Variants in NR3C1 observed in about 807,000 individuals in gnomAD.
NR3C1 encodes nuclear receptor subfamily 3 group C member 1.
In NR3C1, 14 loss-of-function variants were observed where a neutral mutation model predicts 74.0. The observed-to-expected ratio is 0.19, with a 90% confidence interval of 0.12 to 0.30. The LOEUF (loss-of-function observed/expected upper bound fraction) is 0.30. NR3C1 is among the 10% of genes least tolerant of loss of function. The pLI is 1.00. For synonymous variants in NR3C1, 308 were observed against 332.5 expected (o/e 0.93, Z 0.80); for missense variants, 695 against 909.8 (o/e 0.76, Z 3.04).
intron 1 of NR3C1, among the ~76,000 whole-genome samples, chr5:143,410,243 G>C (rs1009769674): frequency 1.3e-5 from 2 of 151,900 alleles, no homozygotes; most frequent in Non-Finnish European, 2.9e-5. Context: ...AATCTGCCCC[G>C]CTGCTATGTG....
chr5:143,293,225 G>A (rs1816351020), intron 7 of NR3C1, among the ~76,000 whole-genome samples: 1 of 152,130 alleles, frequency 6.6e-6, no homozygotes. Context: ...AATGGCATTT[G>A]CAGCAACCTG....
chr5:143,366,419 A>G (rs1468470544), intron 2 of NR3C1, among the ~76,000 whole-genome samples: 2 of 151,888 alleles, frequency 1.3e-5, no homozygotes, highest in African/African-American at 4.8e-5. Context: ...CTGAGGCAGG[A>G]GAATCTCTTG....
intron 2 of NR3C1, among the ~76,000 whole-genome samples, chr5:143,341,870 G>C (rs995934030): frequency 1.3e-5 from 2 of 152,024 alleles, no homozygotes; most frequent in African/African-American, 4.8e-5. Flanking sequence ...TTAGTACTAT[G>C]GGCTTAACAT....
In NR3C1 at chr5:143,399,765, C is replaced by G. The variant is rs370839677; in HGVS notation, c.1075G>C (p.Val359Leu). The change falls in exon 2 of 9, where the codon GTT (valine) becomes CTT (leucine). Residue 359 changes from valine (V) to leucine (L), a missense_variant. By Grantham distance (32) the Val-to-Leu change is conservative (BLOSUM62 1). Around this residue, in one of 4 missense-constraint regions of NR3C1, gnomAD observed 497 missense variants for 489.5 expected, o/e 1.02. Transcript: ENST00000394464. ...PIFNVIPPIP[V>L]GSENWNRCQG... ...CACCTATTCCAATTTTCGGAACCAA[C>G]GGGAATTGGTGGAATGACATTAAAA... 1 of 1,614,132 alleles carries G rather than the reference C, an allele frequency of 6.2e-7. No individual in the cohort carries two copies. The highest frequency in any genetic ancestry group is 1.7e-5 in the Admixed American group (1 of 60,018).
intron 2 of NR3C1, among the ~76,000 whole-genome samples, chr5:143,325,032 T>C (rs1824258010): frequency 6.6e-6 from 1 of 152,218 alleles, no homozygotes; most frequent in African/African-American, 2.4e-5. Context: ...TTCCTAACTT[T>C]CCCACATTTT....
intron 1 of NR3C1, chr5:143,402,787 C>T (rs1840569880): frequency 5.1e-6 from 5 of 985,414 alleles, no homozygotes; most frequent in Non-Finnish European, 6.0e-6. Flanking sequence ...GCCGGGGTGG[C>T]GTGCAAATAT....
intron 2 of NR3C1, among the ~76,000 whole-genome samples, chr5:143,350,989 G>A (rs1294060574): frequency 6.6e-6 from 1 of 152,132 alleles, no homozygotes; most frequent in African/African-American, 2.4e-5. Flanking sequence ...CAGAAAACCA[G>A]TGATTCTGTA....
Position 143,300,688 on chromosome 5 carries a change from G to C in NR3C1, c.1544C>G (p.Pro515Arg), listed in dbSNP as rs1818313447. Reference protein sequence around the residue: ...TGVSQETSENPGNKTIVPATL... With the variant: ...TGVSQETSENRGNKTIVPATL... ...TGCAGGAACTATTGTTTTGTTACCA[G>C]GATTTTCAGAGGTTTCTTGTGAGAC... Residue 515 changes from proline to arginine, a missense_variant, in exon 5 of 9, where the codon CCT becomes CGT. Around this residue, in one of 4 missense-constraint regions of NR3C1, gnomAD observed 42 missense variants for 49.3 expected, o/e 0.85. Transcript: ENST00000394464. This position sits in a 1 kb window ranked among gnomAD's most constrained non-coding sequence, Gnocchi z 5.2. 1.2e-6 allele frequency: 2 copies of C among 1,614,144 alleles called. No individual in the cohort carries two copies. The highest frequency in any genetic ancestry group is 1.7e-6 in the Non-Finnish European group (2 of 1,180,006).
rs1170575550 is a variant in NR3C1, at chr5:143,279,637, A to G, written c.*2252T>C. The G allele has an allele frequency of 2.3e-6, 1 of 435,732 alleles. No individual in the cohort carries two copies. The highest frequency in any genetic ancestry group is 3.9e-6 in the Non-Finnish European group (1 of 253,710). 27.0% of individuals were successfully genotyped at this position (435,732 alleles called of 1,614,324 possible). A position where few individuals can be genotyped will look rare whatever the true frequency, so the allele number is the denominator to read the frequency against. ...ACTGAAAATAACAAATAACATTCAAAAAGCATTCAAAGAAAACAAAAACAT... is the reference window on the plus strand; with the variant it reads ...ACTGAAAATAACAAATAACATTCAAGAAGCATTCAAAGAAAACAAAAACAT... On this transcript the variant is annotated 3_prime_UTR_variant, in exon 9 of 9. Coordinates refer to ENST00000394464, the MANE Select transcript of NR3C1 (RefSeq NM_000176.3).
intron 2 of NR3C1, among the ~76,000 whole-genome samples, chr5:143,353,772 T>A (rs530412875): frequency 1.6e-3 from 246 of 152,246 alleles, no homozygotes; most frequent in Non-Finnish European, 3.0e-3. Flanking sequence ...TAAGCATAAG[T>A]CTTAAGGGTC....
At chr5:143,286,167 A>C (rs1355283893) in intron 7 of NR3C1, among the ~76,000 whole-genome samples, 1 of 152,138 alleles carries the variant, frequency 6.6e-6, no homozygotes, top group East Asian at 1.9e-4. Context: ...CTCACTCAAG[A>C]ATAAACATAT....
At chr5:143,378,188 C>T (rs543731422) in intron 2 of NR3C1, among the ~76,000 whole-genome samples, 69 of 152,122 alleles carry the variant, frequency 4.5e-4, no homozygotes, top group African/African-American at 1.7e-3. Flanking sequence ...GAGTTCAAGG[C>T]TGCAGTGATC....
At chr5:143,361,806 C>T (rs927252037) in intron 2 of NR3C1, among the ~76,000 whole-genome samples, 2 of 152,138 alleles carry the variant, frequency 1.3e-5, no homozygotes, top group African/African-American at 4.8e-5. Flanking sequence ...TCATTTGTTC[C>T]AAAGTTGAAC....
chr5:143,331,979 G>C (rs1209589316), intron 2 of NR3C1, among the ~76,000 whole-genome samples: 1 of 151,940 alleles, frequency 6.6e-6, no homozygotes, highest in Non-Finnish European at 1.5e-5. Flanking sequence ...AGTGGGCAGG[G>C]GAGAAAAGGA....
Position 143,280,061 on chromosome 5 carries a change from G to C in NR3C1, c.*1828C>G, listed in dbSNP as rs1812867758. 6.6e-6 allele frequency: 1 copy of C among 152,488 alleles called. No homozygotes were observed. The highest frequency in any genetic ancestry group is 1.5e-5 in the Non-Finnish European group (1 of 68,098). The allele number at this position is 152,488 out of a possible 1,614,324, so 9.4% of individuals were successfully genotyped here. On this transcript the variant is annotated 3_prime_UTR_variant, in exon 9 of 9. Coordinates refer to ENST00000394464, the MANE Select transcript of NR3C1 (RefSeq NM_000176.3). Reference sequence around the variant, plus strand: ...CCTCAGCAACCTTCACTGCACACAGGACCAGTCTCCATCTCCCTCTTCCCC... The same window carrying C: ...CCTCAGCAACCTTCACTGCACACAGCACCAGTCTCCATCTCCCTCTTCCCC...
intron 4 of NR3C1, among the ~76,000 whole-genome samples, chr5:143,302,258 C>G (rs1178248181): frequency 6.6e-6 from 1 of 152,086 alleles, no homozygotes; most frequent in Non-Finnish European, 1.5e-5. Context: ...GTAAGTACCA[C>G]ATAACAACTA....
chr5:143,377,779 G>C (rs1052799123), intron 2 of NR3C1, among the ~76,000 whole-genome samples: 1 of 152,288 alleles, frequency 6.6e-6, no homozygotes, highest in South Asian at 2.1e-4. Flanking sequence ...TTCTCTCCAA[G>C]TAACTGTCTT....
At chr5:143,428,608 G>C (rs1476799820) in intron 1 of NR3C1, among the ~76,000 whole-genome samples, 2 of 152,184 alleles carry the variant, frequency 1.3e-5, no homozygotes, top group Non-Finnish European at 2.9e-5. Flanking sequence ...ACATCCCTTT[G>C]TTTAAGTATT....
At chr5:143,303,871 C>A (rs1192776623) in intron 4 of NR3C1, among the ~76,000 whole-genome samples, 5 of 152,124 alleles carry the variant, frequency 3.3e-5, no homozygotes, top group Non-Finnish European at 5.9e-5. Context: ...AATCCAGCAT[C>A]TCTTCATGAT....
Sources: allele counts gnomAD v4.1 joint callset (sites outside exome capture counted in the v4.1 genomes callset), GRCh38; gene constraint gnomAD v4.1.1; regional missense constraint gnomAD v4.1.1; non-coding constraint Gnocchi (gnomAD v3.1); transcripts MANE v1.5; gene names NCBI Gene and HGNC (gene_info 2026-07-23, HGNC 2026-07-21).